ARL5B: variants seen among roughly 807,000 people sequenced by gnomAD.
The protein encoded by ARL5B is ARF like GTPase 5B.
A neutral mutation model predicts 26.9 loss-of-function variants in ARL5B; 10 were observed. That is an observed-to-expected ratio of 0.37 (90% CI 0.23 to 0.63). The LOEUF is 0.63. ARL5B is among the 30% of genes least tolerant of loss of function. The pLI is 0.62. For synonymous variants in ARL5B, 87 were observed against 70.4 expected (o/e 1.24, Z -1.18); for missense variants, 167 against 213.9 (o/e 0.78, Z 1.37).
At chr10:18,669,059 G>A (rs1564865350) in intron 3 of ARL5B, among the ~76,000 whole-genome samples, 2 of 152,102 alleles carry the variant, frequency 1.3e-5, no homozygotes, top group Non-Finnish European at 1.5e-5. Flanking sequence ...TTGAGCCACC[G>A]TGGCCGGCCT....
chr10:18,666,716 T>C, intron 2 of ARL5B, 81 bp downstream of exon 2: 1 of 1,202,634 alleles, frequency 8.3e-7, no homozygotes, highest in East Asian at 2.6e-5. Flanking sequence ...TGCATTATAA[T>C]AATGACGGAA....
chr10:18,670,558 C>G (rs2059882481), intron 3 of ARL5B, among the ~76,000 whole-genome samples: 1 of 152,316 alleles, frequency 6.6e-6, no homozygotes, highest in South Asian at 2.1e-4. Flanking sequence ...TGGCAGTGAG[C>G]TGAGATAGCA....
chr10:18,678,305 G>T lies in ARL5B; in HGVS notation c.*3089G>T, dbSNP rs1256186112. On this transcript the variant is annotated 3_prime_UTR_variant, in exon 6 of 6. Transcript: ENST00000377275. ...GGTAATAAATTTAAGTTTCATTGCT[G>T]AAAAATTTTAAATGAGTGCCACCCC... is the stretch of plus-strand genomic sequence containing the variant. 1 of 146,766 alleles carries T rather than the reference G, an allele frequency of 6.8e-6. No individual in the cohort carries two copies. The highest frequency in any genetic ancestry group is 1.5e-5 in the Non-Finnish European group (1 of 66,536). 9.1% of individuals were successfully genotyped at this position (146,766 alleles called of 1,614,324 possible). A position where few individuals can be genotyped will look rare whatever the true frequency, so the allele number is the denominator to read the frequency against.
rs2059910091 is a variant in ARL5B, at chr10:18,676,343, T to C, written c.*1127T>C. The C allele has an allele frequency of 6.6e-6, 1 of 152,384 alleles. No individual in the cohort carries two copies. The highest frequency in any genetic ancestry group is 2.4e-5 in the African/African-American group (1 of 41,440). The allele number at this position is 152,384 out of a possible 1,614,324, so 9.4% of individuals were successfully genotyped here. A position where few individuals can be genotyped will look rare whatever the true frequency, so the allele number is the denominator to read the frequency against. On this transcript the variant is annotated 3_prime_UTR_variant, in exon 6 of 6. Transcript: ENST00000377275. The stretch of plus-strand genomic sequence containing the variant: ...TTATGCCTTGGGTTCTAAAATGTTA[T>C]AGGAAACTGCTGAATTGAATCCTAG...
intron 2 of ARL5B, 41 bp from the exon 3 acceptor site, chr10:18,668,489 C>G (rs372606927): frequency 6.2e-7 from 1 of 1,603,728 alleles, no homozygotes; most frequent in Non-Finnish European, 8.5e-7. Flanking sequence ...TTCAGATTCT[C>G]AAGATTTACA....
chr10:18,666,561 C>T lies in ARL5B; in HGVS notation c.47-14C>T, dbSNP rs1022345684. On this transcript the variant is annotated splice_polypyrimidine_tract_variant and intron_variant, in intron 1 of 5. Transcript: ENST00000377275. The stretch of plus-strand genomic sequence containing the variant: ...AGTAGTGTTAAATGTTTATGATTTG[C>T]TTTCTTTTTGTAGAACACAAAGTAA... 3 of 1,598,178 alleles carry T rather than the reference C, an allele frequency of 1.9e-6. No individual in the cohort carries two copies. Among genetic ancestry groups the T allele is most frequent in the Non-Finnish European group, 2.6e-6 (3 of 1,172,002 alleles).
chr10:18,662,818 C>T (rs1003368576), intron 1 of ARL5B, among the ~76,000 whole-genome samples: 8 of 151,586 alleles, frequency 5.3e-5, no homozygotes, highest in African/African-American at 1.2e-4. Context: ...ATTCTCCTGC[C>T]TCAGCCTCCT....
rs550949937 is a variant in ARL5B, at chr10:18,680,799, A to G, written c.*5583A>G. ...AGAGCATGTTAAAAACAACAACAAC[A>G]AAAACCTAACAGCAATTACAACCTT... On this transcript the variant is annotated 3_prime_UTR_variant, in exon 6 of 6. Coordinates refer to ENST00000377275, the MANE Select transcript of ARL5B (RefSeq NM_178815.5). 2 of 152,314 alleles carry G rather than the reference A, an allele frequency of 1.3e-5. No homozygotes were observed. Among genetic ancestry groups the G allele is most frequent in the South Asian group, 4.1e-4 (2 of 4,832 alleles). 9.4% of individuals were successfully genotyped at this position (152,314 alleles called of 1,614,324 possible).
chr10:18,675,846 C>T lies in ARL5B; in HGVS notation c.*630C>T, dbSNP rs2059908313. The stretch of plus-strand genomic sequence containing the variant: ...GTTATTTGCATGGAAATTAAGTAGG[C>T]TGTTTATTTATCTAAAGGAATCAAG... On this transcript the variant is annotated 3_prime_UTR_variant, in exon 6 of 6. Coordinates refer to ENST00000377275, the MANE Select transcript of ARL5B (RefSeq NM_178815.5). The T allele has an allele frequency of 6.6e-6, 1 of 152,008 alleles. No homozygotes were observed. The highest frequency in any genetic ancestry group is 1.5e-5 in the Non-Finnish European group (1 of 67,924). The allele number at this position is 152,008 out of a possible 1,614,324, so 9.4% of individuals were successfully genotyped here.
In ARL5B at chr10:18,659,605, C is replaced by G. The variant is rs775884724; in HGVS notation, c.-33C>G. The G allele has an allele frequency of 3.1e-6, 5 of 1,602,040 alleles. No individual in the cohort carries two copies. Among genetic ancestry groups the G allele is most frequent in the Non-Finnish European group, 2.6e-6 (3 of 1,175,064 alleles). On this transcript the variant is annotated 5_prime_UTR_variant, in exon 1 of 6. Coordinates refer to ENST00000377275, the MANE Select transcript of ARL5B (RefSeq NM_178815.5). ...GACCCGGCGCAGCGGCACCTGCTGC[C>G]GAGGGACCCCGCGGCCCGCCCCGGT...
chr10:18,662,158 C>G (rs77827646), intron 1 of ARL5B, among the ~76,000 whole-genome samples: 1 of 152,150 alleles, frequency 6.6e-6, no homozygotes. Context: ...GAATAACAGG[C>G]CCAAAGCGCC....
At position 18,668,720 on chromosome 10, in the gene ARL5B, G is replaced by A. The variant is rs149596925; in HGVS notation, c.255+43G>A. The A allele has an allele frequency of 1.6e-4, 253 of 1,586,048 alleles. 2 individuals carry two copies. The East Asian group carries it at 4.0e-3, about 25-fold the overall frequency. On this transcript the variant is annotated intron_variant, in intron 3 of 5. Coordinates refer to ENST00000377275, the MANE Select transcript of ARL5B (RefSeq NM_178815.5). ...TTGAATTTTAATCCAAAGGTCCCTA[G>A]AGTAAACATAGAAAGTAATTAGGCT...
rs2059908682 is a variant in ARL5B at position 18,675,922 on chromosome 10, T to C, written c.*706T>C. The stretch of plus-strand genomic sequence containing the variant: ...TTCAAAAACTAACCAAGGTAAAATA[T>C]TTATTTGAAAGCCCAACTTTGATGT... On this transcript the variant is annotated 3_prime_UTR_variant, in exon 6 of 6. Transcript: ENST00000377275. 1 of 152,088 alleles carries C rather than the reference T, an allele frequency of 6.6e-6. No homozygotes were observed. The highest frequency in any genetic ancestry group is 2.4e-5 in the African/African-American group (1 of 41,454). 9.4% of individuals were successfully genotyped at this position (152,088 alleles called of 1,614,324 possible).
chr10:18,666,832 ATTG>A (rs1347271285), intron 2 of ARL5B, among the ~76,000 whole-genome samples, 197 bp downstream of exon 2: 4 of 152,314 alleles, frequency 2.6e-5, no homozygotes, highest in African/African-American at 9.6e-5. Flanking sequence ...ACAAACACTT[ATTG>A]TTTTCTGCCC....
At chr10:18,667,245 C>G (rs1015823088) in intron 2 of ARL5B, among the ~76,000 whole-genome samples, 3 of 152,162 alleles carry the variant, frequency 2.0e-5, no homozygotes, top group African/African-American at 7.2e-5. Flanking sequence ...CAAAATAGTT[C>G]TACAGTTCTT....
chr10:18,663,625 T>C (rs573961802), intron 1 of ARL5B, among the ~76,000 whole-genome samples: 3 of 140,448 alleles, frequency 2.1e-5, no homozygotes, highest in African/African-American at 7.9e-5. Context: ...CTCGGCTCAC[T>C]GCAAGCTCTG....
intron 3 of ARL5B, among the ~76,000 whole-genome samples, chr10:18,672,099 C>G (rs996877317): frequency 6.6e-6 from 1 of 152,142 alleles, no homozygotes; most frequent in African/African-American, 2.4e-5. Flanking sequence ...ATGTTTCAAT[C>G]TGGAGCATTT....
chr10:18,664,717 C>T (rs1192238929), intron 1 of ARL5B, among the ~76,000 whole-genome samples: 8 of 152,052 alleles, frequency 5.3e-5, no homozygotes, highest in African/African-American at 1.9e-4. Flanking sequence ...AGATTACAGG[C>T]GTAAGGCACC....
intron 3 of ARL5B, 94 bp downstream of exon 3, chr10:18,668,771 T>A: frequency 1.4e-5 from 1 of 71,386 alleles, no homozygotes; most frequent in Non-Finnish European, 2.4e-5. Flanking sequence ...GACAGTTGCC[T>A]TTTTTTTTTT....
Sources: allele counts gnomAD v4.1 joint callset (sites outside exome capture counted in the v4.1 genomes callset), GRCh38; gene constraint gnomAD v4.1.1; transcripts MANE v1.5; gene names NCBI Gene and HGNC (gene_info 2026-07-23, HGNC 2026-07-21).